MAN2A2: variants seen among roughly 807,000 people sequenced by gnomAD.
MAN2A2 encodes mannosidase alpha class 2A member 2, also known as alpha-mannosidase 2x.
In MAN2A2, 79 loss-of-function variants were observed where a neutral mutation model predicts 126.8. The observed-to-expected ratio is 0.62, with a 90% CI of 0.52 to 0.75. The LOEUF (loss-of-function observed/expected upper bound fraction) is 0.75. Ranked by LOEUF, MAN2A2 falls within the 30% of genes least tolerant of loss-of-function variation. The probability of loss-of-function intolerance (pLI) is 0.00; values close to 1 mark genes in which losing one functional copy is unlikely to be tolerated. For synonymous variants in MAN2A2, 671 were observed against 618.7 expected, an observed-to-expected ratio of 1.08 and a Z score of -1.25; for missense variants, 1,392 against 1,522.4, an observed-to-expected ratio of 0.91 and a Z score of 1.43.
At chr15:90,916,058 C>T (rs1381961793) in intron 19 of MAN2A2, 65 bp from the exon 20 acceptor site, 3 of 1,573,732 alleles carry the variant, frequency 1.9e-6, no homozygotes, top group Non-Finnish European at 2.6e-6. Flanking sequence ...TTGGGATTCT[C>T]CTTTGAAAGG....
chr15:90,905,918 G>T lies in MAN2A2; in HGVS notation c.609G>T (p.Leu203=), dbSNP rs1162430111. 10 of 1,610,866 alleles carry T rather than the reference G, an allele frequency of 6.2e-6. No individual in the cohort carries two copies. The East Asian group carries it at 8.9e-5, about 14-fold the overall frequency. Residue 203 remains leucine (L), a synonymous_variant, in exon 5 of 23, where the codon CTG becomes CTT. Transcript: ENST00000559717. ...QHILNSMVSK[L]QEDPRRRFLW... ...TCCTCAATAGCATGGTGTCTAAGCTGCAGGAGGACCCCCGGCGGCGCTTCC... is the reference window on the plus strand; with the variant it reads ...TCCTCAATAGCATGGTGTCTAAGCTTCAGGAGGACCCCCGGCGGCGCTTCC...
rs554233541 is a variant in MAN2A2 at position 90,907,255 on chromosome 15, C to G, written c.1010-54C>G. On this transcript the variant is annotated intron_variant, in intron 7 of 22. Coordinates refer to ENST00000559717, the MANE Select transcript of MAN2A2 (RefSeq NM_006122.4). The stretch of plus-strand genomic sequence containing the variant: ...TTTAGCCTGAACAGATCCTTGCCCC[C>G]CTGGCGTCCAGAGGCTGCCTGCTGG... 109 of 1,551,926 alleles carry G rather than the reference C, an allele frequency of 7.0e-5. 1 individual carries two copies. In the South Asian group the frequency reaches 8.1e-4, roughly 12 times the overall value.
chr15:90,904,128 G>C, intron 1 of MAN2A2, 62 bp from the exon 2 acceptor site: 1 of 1,581,216 alleles, frequency 6.3e-7, no homozygotes, highest in Non-Finnish European at 8.7e-7. Context: ...TGGGGTATTT[G>C]GTGGAAAGAC....
chr15:90,905,448 C>T lies in MAN2A2; in HGVS notation c.330C>T (p.Ser110=). 6.2e-7 allele frequency: 1 copy of T among 1,613,890 alleles called. No individual in the cohort carries two copies. The highest frequency in any genetic ancestry group is 8.5e-7 in the Non-Finnish European group (1 of 1,179,992). ...CGGAGCCCCGGCCCAGCTTCTTCTC[C>T]ATCTCCCCGCAGGACTGCCAGTTTG... ...VPPEPRPSFF[S]ISPQDCQFAL... The change falls in exon 3 of 23, where the codon TCC becomes TCT. Residue 110 remains serine, a synonymous_variant. Transcript: ENST00000559717.
At chr15:90,917,211 G>A (rs568428650) in intron 20 of MAN2A2, among the ~76,000 whole-genome samples, 48 of 152,332 alleles carry the variant, frequency 3.2e-4, no homozygotes, top group Non-Finnish European at 5.4e-4. Flanking sequence ...AGTGGCTGCC[G>A]TATTAGACCA....
Position 90,922,327 on chromosome 15 carries a change from C to T in MAN2A2, c.*2540C>T, listed in dbSNP as rs905348417. On this transcript the variant is annotated 3_prime_UTR_variant, in exon 23 of 23. Coordinates refer to ENST00000559717, the MANE Select transcript of MAN2A2 (RefSeq NM_006122.4). The stretch of plus-strand genomic sequence containing the variant: ...CCAGGTCATCAGAGTTGTTGCTGCC[C>T]GTATTAGGCCACACAGTGGAACCCC... 1.8e-4 allele frequency: 27 copies of T among 152,116 alleles called. No homozygotes were observed. Among genetic ancestry groups the T allele is most frequent in the Admixed American group, 1.3e-3 (20 of 15,270 alleles). 9.4% of individuals were successfully genotyped at this position (152,116 alleles called of 1,614,324 possible). A position where few individuals can be genotyped will look rare whatever the true frequency, so the allele number is the denominator to read the frequency against.
chr15:90,904,078 G>A (rs2034050252), intron 1 of MAN2A2, 112 bp from the exon 2 acceptor site: 2 of 1,225,290 alleles, frequency 1.6e-6, no homozygotes, highest in South Asian at 2.4e-5. Context: ...TTGGAGCCAG[G>A]CAAATGGGTG....
intron 20 of MAN2A2, among the ~76,000 whole-genome samples, chr15:90,917,366 G>A (rs2035267809): frequency 6.6e-6 from 1 of 152,206 alleles, no homozygotes; most frequent in Non-Finnish European, 1.5e-5. Flanking sequence ...GAAAGGTCCA[G>A]GCTAAGGAAA....
chr15:90,904,468 C>G (rs2034096386), intron 2 of MAN2A2, 129 bp downstream of exon 2: 3 of 1,043,806 alleles, frequency 2.9e-6, no homozygotes, highest in Non-Finnish European at 2.7e-6. Context: ...CAGGAGCCTT[C>G]CTTCCCAATA....
intron 7 of MAN2A2, 155 bp downstream of exon 7, chr15:90,907,068 G>C: frequency 9.8e-7 from 1 of 1,021,762 alleles, no homozygotes; most frequent in Admixed American, 2.3e-5. Flanking sequence ...GTTAGGGGAG[G>C]GCCATATTGA....
intron 1 of MAN2A2, chr15:90,903,989 G>A (rs1055342671): frequency 8.0e-6 from 5 of 625,838 alleles, no homozygotes; most frequent in Admixed American, 2.2e-5. Flanking sequence ...CCAGCCAAAG[G>A]AGAGCGTCCT....
At chr15:90,915,751 G>A (rs574646975) in intron 19 of MAN2A2, among the ~76,000 whole-genome samples, 3 of 152,362 alleles carry the variant, frequency 2.0e-5, no homozygotes, top group Non-Finnish European at 2.9e-5. Context: ...CAACACTACC[G>A]ATGGCTGTTG....
In MAN2A2 at chr15:90,920,582, T is replaced by C. The variant is rs1202332841; in HGVS notation, c.*795T>C. The C allele has an allele frequency of 3.9e-5, 6 of 152,416 alleles. No homozygotes were observed. In the East Asian group the frequency reaches 1.2e-3, roughly 29 times the overall value. The allele number at this position is 152,416 out of a possible 1,614,324, so 9.4% of individuals were successfully genotyped here. On this transcript the variant is annotated 3_prime_UTR_variant, in exon 23 of 23. Transcript: ENST00000559717. ...TCACCCTGCCTGAATTCTCTTTGGCTTCTGTGCTCTGTATGCTGCTGTCCC... is the reference window on the plus strand; with the variant it reads ...TCACCCTGCCTGAATTCTCTTTGGCCTCTGTGCTCTGTATGCTGCTGTCCC...
At chr15:90,908,545 A>G (rs1321275385) in intron 8 of MAN2A2, among the ~76,000 whole-genome samples, 2 of 152,064 alleles carry the variant, frequency 1.3e-5, no homozygotes, top group Admixed American at 6.6e-5. Context: ...GTGTTTAACA[A>G]ATATTCATTC....
In MAN2A2 at chr15:90,910,829, C is replaced by G; in HGVS notation, c.1761-18C>G. ...CTATGGTCATCTTCTCTCCTTCCCT[C>G]TCCTGCGCCACCCACAGGCTTCTGC... On this transcript the variant is annotated intron_variant, in intron 11 of 22. Transcript: ENST00000559717. The G allele has an allele frequency of 1.9e-6, 3 of 1,610,046 alleles. No individual in the cohort carries two copies. The South Asian group carries it at 3.3e-5, about 18-fold the overall frequency.
At position 90,920,045 on chromosome 15, in the gene MAN2A2, T is replaced by C. The variant is rs2035474343; in HGVS notation, c.*258T>C. 1.8e-5 allele frequency: 8 copies of C among 435,812 alleles called. No individual in the cohort carries two copies. In the South Asian group the frequency reaches 2.3e-4, roughly 12 times the overall value. 27.0% of individuals were successfully genotyped at this position (435,812 alleles called of 1,614,324 possible). ...GGTCAGAGTGGGCAGTGCCAGGCTCTGCTTTGGGTTGTGAGTGGACACCCA... is the reference window on the plus strand; with the variant it reads ...GGTCAGAGTGGGCAGTGCCAGGCTCCGCTTTGGGTTGTGAGTGGACACCCA... On this transcript the variant is annotated 3_prime_UTR_variant, in exon 23 of 23. Transcript: ENST00000559717.
chr15:90,918,129 C>A, intron 20 of MAN2A2, 65 bp from the exon 21 acceptor site: 1 of 1,479,090 alleles, frequency 6.8e-7, no homozygotes, highest in Admixed American at 1.8e-5. Flanking sequence ...TGCTTTTATC[C>A]TGCCTCGTCC....
rs1294784320 is a variant in MAN2A2, at chr15:90,910,111, G to A, written c.1396G>A (p.Asp466Asn). ...HVQAQFGTLS[D>N]YFDALYKRTG... Reference sequence around the variant, plus strand: ...ACAGGCCCAGTTTGGCACTCTTTCTGACTATTTTGATGCCCTGTACAAGAG... The same window carrying A: ...ACAGGCCCAGTTTGGCACTCTTTCTAACTATTTTGATGCCCTGTACAAGAG... The change falls in exon 10 of 23, where the codon GAC (aspartate) becomes AAC (asparagine). Residue 466 changes from aspartate (D) to asparagine (N), a missense_variant. Asp to Asn is a conservative substitution (Grantham distance 23, BLOSUM62 1). Coordinates refer to ENST00000559717, the MANE Select transcript of MAN2A2 (RefSeq NM_006122.4). 2 of 1,613,086 alleles carry A rather than the reference G, an allele frequency of 1.2e-6. No homozygotes were observed. Among genetic ancestry groups the A allele is most frequent in the African/African-American group, 2.7e-5 (2 of 74,876 alleles).
At chr15:90,913,468 C>G in intron 18 of MAN2A2, 62 bp downstream of exon 18, 2 of 1,578,936 alleles carry the variant, frequency 1.3e-6, no homozygotes, top group Non-Finnish European at 1.7e-6. Flanking sequence ...TGCTTTTGCC[C>G]CTGTCACAGG....
Sources: gnomAD v4.1 joint callset for allele counts (sites outside exome capture counted in the v4.1 genomes callset) on GRCh38, gnomAD v4.1.1 for gene constraint, MANE v1.5 for transcripts, NCBI Gene and HGNC (gene_info 2026-07-23, HGNC 2026-07-21) for gene names.